Variants in ADAMTS15 observed in about 807,000 individuals in gnomAD.
ADAMTS15 encodes A disintegrin and metalloproteinase with thrombospondin motifs 15.
A neutral mutation model predicts 79.1 loss-of-function variants in ADAMTS15; 35 were observed. The observed-to-expected ratio is 0.44, with a 90% confidence interval of 0.34 to 0.59. The LOEUF (loss-of-function observed/expected upper bound fraction) is 0.59. Ranked by LOEUF, ADAMTS15 falls within the 20% of genes least tolerant of loss-of-function variation. The pLI is 0.02. For synonymous variants in ADAMTS15, 616 were observed against 567.3 expected, an observed-to-expected ratio of 1.09 and a Z score of -1.22; for missense variants, 1,324 against 1,318.7, an observed-to-expected ratio of 1.00 and a Z score of -0.06.
In ADAMTS15 at chr11:130,461,608, T is replaced by G. The variant is rs566109902; in HGVS notation, c.1077T>G (p.Thr359=). 3.5e-5 allele frequency: 57 copies of G among 1,614,130 alleles called. 1 individual carries two copies. The South Asian group carries it at 6.3e-4, about 18-fold the overall frequency. The change falls in exon 2 of 8, where the codon ACT becomes ACG. Residue 359 remains threonine (T), a synonymous_variant. Coordinates refer to ENST00000299164, the MANE Select transcript of ADAMTS15 (RefSeq NM_139055.4). ...ATGGGCTTCCATCAGCCTTCACCACTGCCCACGAGCTGGGTAAGGCTGGAT... is the reference window on the plus strand; with the variant it reads ...ATGGGCTTCCATCAGCCTTCACCACGGCCCACGAGCTGGGTAAGGCTGGAT... ...EDDGLPSAFT[T]AHELGHVFNM...
In ADAMTS15 at chr11:130,473,623, G is replaced by T; in HGVS notation, c.2655G>T (p.Val885=). ...CCTGTGATGCAGCCCATCGGCCCGTGGAGACACAAGCCTGCGGGGAGCCCT... is the reference window on the plus strand; with the variant it reads ...CCTGTGATGCAGCCCATCGGCCCGTTGAGACACAAGCCTGCGGGGAGCCCT... ...VPACDAAHRP[V]ETQACGEPCP... Residue 885 remains valine (V), a synonymous_variant, in exon 8 of 8, where the codon GTG becomes GTT. Transcript: ENST00000299164. 2 of 1,609,668 alleles carry T rather than the reference G, an allele frequency of 1.2e-6. No homozygotes were observed. The highest frequency in any genetic ancestry group is 1.7e-6 in the Non-Finnish European group (2 of 1,179,768).
intron 4 of ADAMTS15, among the ~76,000 whole-genome samples, chr11:130,468,896 CAT>C (rs1462002666): frequency 7.3e-6 from 1 of 136,212 alleles, no homozygotes; most frequent in Non-Finnish European, 1.5e-5. Context: ...AATATTGTGC[CAT>C]TGCACTCCAG....
intron 1 of ADAMTS15, among the ~76,000 whole-genome samples, chr11:130,457,529 C>T (rs1291450139): frequency 3.3e-5 from 5 of 152,134 alleles, no homozygotes; most frequent in African/African-American, 1.2e-4. Context: ...GGTTCCTGGC[C>T]AAGATGATTC....
rs1345157732 is a variant in ADAMTS15 at position 130,472,624 on chromosome 11, G to T, written c.2079-423G>T. ...CCTCCAGGGCCAGTGTCCTCTCACTGCATTGAGCTCCTAGCCTCAGGCTCT... is the reference window on the plus strand; with the variant it reads ...CCTCCAGGGCCAGTGTCCTCTCACTTCATTGAGCTCCTAGCCTCAGGCTCT... On this transcript the variant is annotated intron_variant, in intron 7 of 7. Transcript: ENST00000299164. This position sits in a 1 kb window ranked among gnomAD's most constrained non-coding sequence, Gnocchi z 4.7. Among the ~76,000 whole-genome samples the T allele has an allele frequency of 7.9e-5, 12 of 152,112 alleles. No homozygotes were observed. The highest frequency in any genetic ancestry group is 2.7e-4 in the African/African-American group (11 of 41,406).
At chr11:130,457,959 A>G (rs1483089190) in intron 1 of ADAMTS15, among the ~76,000 whole-genome samples, 1 of 152,146 alleles carries the variant, frequency 6.6e-6, no homozygotes, top group African/African-American at 2.4e-5. Context: ...CCCTCAGGAA[A>G]TTTGCCGGCT....
chr11:130,460,298 C>T (rs533088887), intron 1 of ADAMTS15, among the ~76,000 whole-genome samples: 12 of 143,826 alleles, frequency 8.3e-5, no homozygotes, highest in East Asian at 2.0e-4. Context: ...TTTTTTGAGA[C>T]GGAGTTTTGC....
rs748517449 is a variant in ADAMTS15, at chr11:130,473,756, C to T, written c.2788C>T (p.Arg930Trp). The change falls in exon 8 of 8, where the codon CGG becomes TGG. Residue 930 changes from arginine (R) to tryptophan (W), a missense_variant. By Grantham distance (101) the Arg-to-Trp change is moderately radical (BLOSUM62 -3). Coordinates refer to ENST00000299164, the MANE Select transcript of ADAMTS15 (RefSeq NM_139055.4). ...GGGCCACGGAGGCCGGCTGCTGGCCCGGGACCAGTGCAACTTGCACCGCAA... is the reference window on the plus strand; with the variant it reads ...GGGCCACGGAGGCCGGCTGCTGGCCTGGGACCAGTGCAACTTGCACCGCAA... ...CVGHGGRLLARDQCNLHRKPQ... is the reference protein window; with the variant it reads ...CVGHGGRLLAWDQCNLHRKPQ... The T allele has an allele frequency of 5.6e-6, 9 of 1,599,294 alleles. No homozygotes were observed. The highest frequency in any genetic ancestry group is 4.5e-5 in the East Asian group (2 of 44,856).
At position 130,473,815 on chromosome 11, in the gene ADAMTS15, G is replaced by A. The variant is rs575585084; in HGVS notation, c.2847G>A (p.Pro949=). 2.3e-5 allele frequency: 36 copies of A among 1,593,422 alleles called. No homozygotes were observed. The highest frequency in any genetic ancestry group is 1.3e-4 in the African/African-American group (10 of 74,942). Residue 949 remains proline, a synonymous_variant, in exon 8 of 8, where the codon CCG becomes CCA. Transcript: ENST00000299164. ...PQELDFCVLR[P]C is the part of the protein sequence containing the mutation. The stretch of plus-strand genomic sequence containing the variant: ...AGCTGGACTTCTGCGTCCTGAGGCC[G>A]TGCTGAGTGGGGTCATCGCTTTCTC...
chr11:130,462,720 C>G lies in ADAMTS15; in HGVS notation c.1482C>G (p.Gly494=). Residue 494 remains glycine, a synonymous_variant, in exon 4 of 8, where the codon GGC becomes GGG. Coordinates refer to ENST00000299164, the MANE Select transcript of ADAMTS15 (RefSeq NM_139055.4). The surrounding 1 kb of genome is among the most constrained non-coding windows in gnomAD (Gnocchi z 4.3). ...CCTGGGCCGATGGCACCAGCTGTGG[C>G]GAGGGCAAGCTCTGCCTCAAAGGGG... is the stretch of plus-strand genomic sequence containing the variant. ...HFPWADGTSC[G]EGKLCLKGAC... is the part of the protein sequence containing the mutation. 1 of 1,609,766 alleles carries G rather than the reference C, an allele frequency of 6.2e-7. No individual in the cohort carries two copies. Among genetic ancestry groups the G allele is most frequent in the Non-Finnish European group, 8.5e-7 (1 of 1,176,496 alleles).
At position 130,448,985 on chromosome 11, in the gene ADAMTS15, G is replaced by C; in HGVS notation, c.12G>C (p.Leu4=). 6.7e-7 allele frequency: 1 copy of C among 1,500,704 alleles called. No individual in the cohort carries two copies. Among genetic ancestry groups the C allele is most frequent in the South Asian group, 1.4e-5 (1 of 70,304 alleles). The allele number at this position is 1,500,704 out of a possible 1,614,324, so 93.0% of individuals were successfully genotyped here. Residue 4 remains leucine (L), a synonymous_variant, in exon 1 of 8, where the codon CTG becomes CTC. Transcript: ENST00000299164. The part of the protein sequence containing the change: MLL[L]GILTLAFAGR... ...CGCTGCCCGGCGCCATGCTTCTGCT[G>C]GGCATCCTAACCCTGGCTTTCGCCG...
At chr11:130,464,322 A>G (rs746615578) in intron 4 of ADAMTS15, among the ~76,000 whole-genome samples, 4 of 152,144 alleles carry the variant, frequency 2.6e-5, no homozygotes, top group Non-Finnish European at 4.4e-5. Context: ...TACCTCCTCA[A>G]CCTCTTTTCT....
In ADAMTS15 at chr11:130,472,169, A is replaced by G. The variant is rs1044595880; in HGVS notation, c.2078+786A>G. Among the ~76,000 whole-genome samples the G allele has an allele frequency of 1.3e-5, 2 of 152,210 alleles. No homozygotes were observed. The highest frequency in any genetic ancestry group is 4.8e-5 in the African/African-American group (2 of 41,464). On this transcript the variant is annotated intron_variant, in intron 7 of 7. Coordinates refer to ENST00000299164, the MANE Select transcript of ADAMTS15 (RefSeq NM_139055.4). This position sits in a 1 kb window ranked among gnomAD's most constrained non-coding sequence, Gnocchi z 4.7. Reference sequence around the variant, plus strand: ...GAGGTCCCAGTTAGGGGTGGAGGCTATGGTTGGCCTAGAAAATTTGGGAGC... The same window carrying G: ...GAGGTCCCAGTTAGGGGTGGAGGCTGTGGTTGGCCTAGAAAATTTGGGAGC...
rs745902547 is a variant in ADAMTS15 at position 130,471,396 on chromosome 11, C to T, written c.2078+13C>T. The T allele has an allele frequency of 5.6e-6, 9 of 1,595,032 alleles. No individual in the cohort carries two copies. Among genetic ancestry groups the T allele is most frequent in the South Asian group, 3.4e-5 (3 of 87,714 alleles). ...TCACCAAGCCCATGTGAGTTCTGGG[C>T]CCTGAAGGTCCTGCCAGGGAGCAAA... On this transcript the variant is annotated intron_variant, in intron 7 of 7. Transcript: ENST00000299164.
At chr11:130,450,330 A>G (rs1376070728) in intron 1 of ADAMTS15, 12 of 985,352 alleles carry the variant, frequency 1.2e-5, no homozygotes, top group Admixed American at 6.1e-5. Flanking sequence ...TGGGCGGCTG[A>G]GTCTTCTCGG....
At chr11:130,470,770 T>C in intron 5 of ADAMTS15, 150 bp from the exon 6 acceptor site, 1 of 878,216 alleles carries the variant, frequency 1.1e-6, no homozygotes, top group Admixed American at 2.4e-5. Flanking sequence ...CCCAGCCTGC[T>C]TTAGTGCTTT....
chr11:130,458,810 CAGGCTGCAACTGCT>C (rs1938142045), intron 1 of ADAMTS15, among the ~76,000 whole-genome samples: 1 of 152,152 alleles, frequency 6.6e-6, no homozygotes, highest in African/African-American at 2.4e-5. Context: ...CCTGCCCCCG[CAGGCTGCAACTGCT>C]AGGCTAGAAT....
intron 5 of ADAMTS15, among the ~76,000 whole-genome samples, chr11:130,470,168 A>ATATATATGTG (rs1938409970): frequency 1.7e-5 from 1 of 58,688 alleles, no homozygotes; most frequent in African/African-American, 1.0e-4. Context: ...ATATATATAT[A>ATATATATGTG]TATATATATA....
chr11:130,460,519 C>T (rs1309265147), intron 1 of ADAMTS15, among the ~76,000 whole-genome samples: 1 of 152,126 alleles, frequency 6.6e-6, no homozygotes, highest in African/African-American at 2.4e-5. Flanking sequence ...TCAGGTGATT[C>T]ACCTGCCTCG....
intron 1 of ADAMTS15, among the ~76,000 whole-genome samples, chr11:130,454,278 T>C (rs533158601): frequency 6.6e-6 from 1 of 152,362 alleles, no homozygotes; most frequent in South Asian, 2.1e-4. Flanking sequence ...TCTCTTCATT[T>C]GTACTCTGAC....
Sources: allele counts gnomAD v4.1 joint callset (sites outside exome capture counted in the v4.1 genomes callset), GRCh38; gene constraint gnomAD v4.1.1; non-coding constraint Gnocchi (gnomAD v3.1); transcripts MANE v1.5; gene names NCBI Gene and HGNC (gene_info 2026-07-23, HGNC 2026-07-21).